DENND4C: variants seen among roughly 807,000 people sequenced by gnomAD.
DENND4C encodes DENN domain-containing protein 4C.
Under a neutral mutation model 203.0 loss-of-function variants are expected in DENND4C, and 108 were observed. The observed-to-expected ratio is 0.53, with a 90% CI of 0.46 to 0.62. The LOEUF (loss-of-function observed/expected upper bound fraction) is 0.62, where lower values mean the gene tolerates loss of function less well. Among genes scored for constraint, DENND4C ranks in the 20% least tolerant of loss-of-function variants. DENND4C has a pLI of 0.00. For synonymous variants in DENND4C, 871 were observed against 792.4 expected (o/e 1.10, Z -1.67); for missense variants, 2,481 against 2,301.2 (o/e 1.08, Z -1.60).
intron 5 of DENND4C, chr9:19,292,439 G>A (rs956528180): frequency 2.0e-5 from 3 of 151,528 alleles, no homozygotes; most frequent in African/African-American, 7.3e-5. Context: ...GTATATAACA[G>A]TAATAATGAC....
At chr9:19,296,391 G>A (rs1249400872) in intron 6 of DENND4C, 145 bp downstream of exon 6, 2 of 601,166 alleles carry the variant, frequency 3.3e-6, no homozygotes, top group South Asian at 2.1e-5. Context: ...TTGAGATGGA[G>A]TATTGCTCTG....
chr9:19,247,974 A>G (rs1260182621), intron 1 of DENND4C, among the ~76,000 whole-genome samples: 3 of 152,102 alleles, frequency 2.0e-5, no homozygotes, highest in Non-Finnish European at 4.4e-5. Context: ...TTGCCCTAAT[A>G]TAAGCCATTT....
intron 10 of DENND4C, among the ~76,000 whole-genome samples, chr9:19,305,916 A>G (rs1417146022): frequency 1.3e-5 from 2 of 152,210 alleles, no homozygotes; most frequent in Non-Finnish European, 2.9e-5. Flanking sequence ...AAGTTTGGCT[A>G]CAGTATAGGG....
intron 2 of DENND4C, among the ~76,000 whole-genome samples, chr9:19,280,114 C>T (rs1833733474): frequency 7.6e-6 from 1 of 131,134 alleles, no homozygotes; most frequent in African/African-American, 2.9e-5. Flanking sequence ...GCCTGCTTGC[C>T]TTCCTGCCTT....
chr9:19,367,625 G>C (rs1827959422), intron 30 of DENND4C, among the ~76,000 whole-genome samples: 1 of 152,238 alleles, frequency 6.6e-6, no homozygotes, highest in Non-Finnish European at 1.5e-5. Flanking sequence ...TGTAGTCCCA[G>C]CTACTTGGGA....
At chr9:19,263,999 A>G (rs1201219770) in intron 1 of DENND4C, among the ~76,000 whole-genome samples, 3 of 152,050 alleles carry the variant, frequency 2.0e-5, no homozygotes. Flanking sequence ...GGTTTTGGTA[A>G]CAGGTTCATA....
In DENND4C at chr9:19,272,420, C is replaced by CA. The variant is rs1385077390; in HGVS notation, c.-17-3732dup. Among the ~76,000 whole-genome samples, 452 of 142,990 alleles carry CA rather than the reference C, an allele frequency of 3.2e-3. 3 individuals carry two copies. Among genetic ancestry groups the CA allele is most frequent in the East Asian group, 7.9e-3 (39 of 4,942 alleles). 93.8% of individuals were successfully genotyped at this position (142,990 alleles called of 152,430 possible). ...GGGCAACAAGAACGAAACTCCATCT[C>CA]AAAAAACAAAAACAAAAACAAAAAA... On this transcript the variant is annotated intron_variant, in intron 1 of 32. Coordinates refer to ENST00000434457, the MANE Select transcript of DENND4C (RefSeq NM_001330640.2).
chr9:19,337,351 A>G (rs1301174364), intron 20 of DENND4C, among the ~76,000 whole-genome samples: 2 of 152,248 alleles, frequency 1.3e-5, no homozygotes, highest in Non-Finnish European at 2.9e-5. Flanking sequence ...AAGTGTAACT[A>G]AAGTAGCACG....
intron 1 of DENND4C, among the ~76,000 whole-genome samples, chr9:19,243,948 C>G (rs1006653028): frequency 1.1e-4 from 16 of 151,886 alleles, no homozygotes; most frequent in African/African-American, 2.9e-4. Flanking sequence ...GTAGCTGGGA[C>G]TGTGGGTTTG....
intron 30 of DENND4C, among the ~76,000 whole-genome samples, chr9:19,362,272 TCAAA>T (rs1826664827): frequency 6.6e-6 from 1 of 151,876 alleles, no homozygotes; most frequent in South Asian, 2.1e-4. Flanking sequence ...AGATTGTATC[TCAAA>T]CAAAACAAAA....
At chr9:19,327,965 C>T (rs1041098173) in intron 15 of DENND4C, 65 bp from the exon 16 acceptor site, 53 of 1,434,560 alleles carry the variant, frequency 3.7e-5, no homozygotes, top group Middle Eastern at 2.5e-4. Flanking sequence ...TTTGCCTAAA[C>T]GCTGGAATAA....
In DENND4C at chr9:19,276,408, A is replaced by T; in HGVS notation, c.234A>T (p.Gly78=). The T allele has an allele frequency of 8.1e-7, 1 of 1,232,124 alleles. No individual in the cohort carries two copies. The highest frequency in any genetic ancestry group is 1.0e-6 in the Non-Finnish European group (1 of 987,956). 76.3% of individuals were successfully genotyped at this position (1,232,124 alleles called of 1,614,324 possible). The part of the protein sequence containing the change: ...PSALQANLNY[G]SLKSPELFLC... ...CTCTCCAAGCAAACTTGAACTATGGAAGTCTGAAAAGCCCAGAACTTTTCC... is the reference window on the plus strand; with the variant it reads ...CTCTCCAAGCAAACTTGAACTATGGTAGTCTGAAAAGCCCAGAACTTTTCC... The change falls in exon 2 of 33, where the codon GGA becomes GGT. Residue 78 remains glycine (G), a synonymous_variant. Transcript: ENST00000434457.
chr9:19,261,993 A>G (rs1049773097), intron 1 of DENND4C, among the ~76,000 whole-genome samples: 1 of 148,148 alleles, frequency 6.8e-6, no homozygotes, highest in African/African-American at 2.5e-5. Context: ...CAGATGGGTC[A>G]TTGTTGACAT....
intron 1 of DENND4C, among the ~76,000 whole-genome samples, chr9:19,231,343 G>C (rs1236867113): frequency 2.0e-5 from 3 of 152,160 alleles, no homozygotes; most frequent in African/African-American, 7.2e-5. Context: ...ACCTGGGCAG[G>C]TGTCTCTGGT....
chr9:19,355,166 T>G (rs781215491), intron 26 of DENND4C, among the ~76,000 whole-genome samples: 1 of 152,200 alleles, frequency 6.6e-6, no homozygotes, highest in Admixed American at 6.5e-5. Flanking sequence ...CACCTTGGTC[T>G]CCCAAAGTGC....
intron 1 of DENND4C, among the ~76,000 whole-genome samples, chr9:19,240,917 C>T (rs1823526628): frequency 6.6e-6 from 1 of 152,246 alleles, no homozygotes; most frequent in East Asian, 1.9e-4. Context: ...GAGCCGAGAT[C>T]ACGCCACTGC....
chr9:19,278,860 C>T (rs888014728), intron 2 of DENND4C, among the ~76,000 whole-genome samples: 15 of 151,868 alleles, frequency 9.9e-5, no homozygotes, highest in African/African-American at 3.1e-4. Flanking sequence ...ATAAAGGCCC[C>T]CTCCACTCTG....
intron 1 of DENND4C, among the ~76,000 whole-genome samples, chr9:19,237,372 G>A (rs189412184): frequency 2.6e-4 from 39 of 150,906 alleles, no homozygotes; most frequent in African/African-American, 8.8e-4. Context: ...TTGTTTTTGA[G>A]GCAGAGTCTC....
At chr9:19,243,847 T>A (rs1824395313) in intron 1 of DENND4C, among the ~76,000 whole-genome samples, 1 of 152,214 alleles carries the variant, frequency 6.6e-6, no homozygotes, top group Non-Finnish European at 1.5e-5. Flanking sequence ...AGTCTAGCTC[T>A]GTCACCCAGA....
Sources: gnomAD v4.1 joint callset for allele counts (sites outside exome capture counted in the v4.1 genomes callset) on GRCh38, gnomAD v4.1.1 for gene constraint, MANE v1.5 for transcripts, NCBI Gene and HGNC (gene_info 2026-07-23, HGNC 2026-07-21) for gene names.